The following PDXDC1 variants were observed in gnomAD, a reference collection of about 807,000 sequenced individuals.
The protein encoded by PDXDC1 is pyridoxal dependent decarboxylase domain containing 1.
Under a neutral mutation model 100.1 loss-of-function variants are expected in PDXDC1, and 42 were observed. The ratio of observed to expected loss-of-function variants is 0.42; its 90% CI spans 0.33 to 0.54. The LOEUF is 0.54. Ranked by LOEUF, PDXDC1 falls within the 20% of genes least tolerant of loss-of-function variation. The pLI is 0.10. For synonymous variants in PDXDC1, 260 were observed against 371.7 expected (o/e 0.70, Z 3.46); for missense variants, 636 against 979.2 (o/e 0.65, Z 4.68).
At position 15,035,971 on chromosome 16, in the gene PDXDC1, G is replaced by T. The variant is rs1037878286; in HGVS notation, c.2108-45G>T. The T allele has an allele frequency of 6.4e-6, 10 of 1,565,216 alleles. No homozygotes were observed. In the African/African-American group the frequency reaches 8.2e-5, roughly 13 times the overall value. ...TGCAGAGACAGCCTGTGTTGCAGAA[G>T]TATCCTCACTGAGTTTCAGCGCAGT... On this transcript the variant is annotated intron_variant, in intron 22 of 22. Coordinates refer to ENST00000396410, the MANE Select transcript of PDXDC1 (RefSeq NM_015027.4).
At chr16:14,980,830 C>G (rs184612286) in intron 1 of PDXDC1, among the ~76,000 whole-genome samples, 35 of 152,400 alleles carry the variant, frequency 2.3e-4, no homozygotes, top group African/African-American at 8.4e-4. Flanking sequence ...CAACTCCTGA[C>G]CTCAAGTAAT....
chr16:15,024,963 A>G (rs550267205), intron 13 of PDXDC1, among the ~76,000 whole-genome samples: 6 of 152,420 alleles, frequency 3.9e-5, no homozygotes, highest in Non-Finnish European at 5.9e-5. Context: ...TTAACACCCA[A>G]GACCCTAGCC....
chr16:15,070,443 T>C (rs1015742468), intron 16 of PDXDC1, among the ~76,000 whole-genome samples: 76 of 151,516 alleles, frequency 5.0e-4, no homozygotes, highest in Admixed American at 9.2e-4. Flanking sequence ...AAGACAACCT[T>C]CCAATTACAA....
At position 14,975,180 on chromosome 16, in the gene PDXDC1, CA is replaced by C. The variant is rs757924091; in HGVS notation, c.-19del. On this transcript the variant is annotated 5_prime_UTR_variant, in exon 1 of 23. Transcript: ENST00000396410. ...GAAGTAGAGCCCGGGACCGCCAGGCCACCACCGGCCGCCTCAGCCATGGACG... is the reference window on the plus strand; with the variant it reads ...GAAGTAGAGCCCGGGACCGCCAGGCCCCACCGGCCGCCTCAGCCATGGACG... 1.7e-5 allele frequency: 24 copies of C among 1,452,598 alleles called. No individual in the cohort carries two copies. Among genetic ancestry groups the C allele is most frequent in the Non-Finnish European group, 2.1e-5 (23 of 1,113,126 alleles). The allele number at this position is 1,452,598 out of a possible 1,614,324, so 90.0% of individuals were successfully genotyped here.
At chr16:15,053,161 G>A (rs1259687520) in intron 16 of PDXDC1, among the ~76,000 whole-genome samples, 1 of 152,214 alleles carries the variant, frequency 6.6e-6, no homozygotes, top group African/African-American at 2.4e-5. Context: ...CAGATGGCTC[G>A]TGGCTACTGT....
intron 16 of PDXDC1, among the ~76,000 whole-genome samples, chr16:15,063,827 C>G (rs948487925): frequency 3.3e-5 from 5 of 152,030 alleles, no homozygotes; most frequent in African/African-American, 9.7e-5. Flanking sequence ...TATTGAACTA[C>G]CGTTTTTCAT....
intron 16 of PDXDC1, among the ~76,000 whole-genome samples, chr16:15,072,748 G>T (rs567064316): frequency 7.2e-5 from 11 of 152,274 alleles, no homozygotes; most frequent in South Asian, 2.1e-4. Flanking sequence ...GCAGTGGGCA[G>T]CAGAGCGAGA....
chr16:14,975,748 C>T lies in PDXDC1; in HGVS notation c.21+528C>T, dbSNP rs556318617. 5.4e-6 allele frequency: 5 copies of T among 927,094 alleles called. No homozygotes were observed. The South Asian group carries it at 2.6e-4, about 49-fold the overall frequency. The allele number at this position is 927,094 out of a possible 1,614,324, so 57.4% of individuals were successfully genotyped here. A position where few individuals can be genotyped will look rare whatever the true frequency, so the allele number is the denominator to read the frequency against. ...TTGGTAAAATGCGGAGGTTCAGTCC[C>T]GGGGTCAGAACCTCTGGGGGCGGGA... On this transcript the variant is annotated intron_variant, in intron 1 of 22. Transcript: ENST00000396410.
chr16:14,991,257 G>C (rs1970720716), intron 1 of PDXDC1, among the ~76,000 whole-genome samples: 1 of 150,732 alleles, frequency 6.6e-6, no homozygotes, highest in Non-Finnish European at 1.5e-5. Context: ...TATTATATAT[G>C]TATATAGATA....
chr16:15,103,550 C>A (rs2046644839), intron 16 of PDXDC1, among the ~76,000 whole-genome samples: 1 of 151,602 alleles, frequency 6.6e-6, no homozygotes, highest in African/African-American at 2.4e-5. Context: ...GTCACCCAGG[C>A]TAGAGTGTGC....
At chr16:15,029,625 C>G (rs1290117818) in intron 15 of PDXDC1, 1 of 497,756 alleles carries the variant, frequency 2.0e-6, no homozygotes, top group African/African-American at 1.9e-5. Flanking sequence ...ACTACAACTC[C>G]CTGCCCGCCA....
chr16:15,075,123 GC>G (rs551882028), intron 16 of PDXDC1, among the ~76,000 whole-genome samples: 23 of 151,772 alleles, frequency 1.5e-4, no homozygotes, highest in Admixed American at 1.1e-3. Context: ...GGTGGTGCAC[GC>G]CTGTAATTCC....
At chr16:15,024,961 C>T (rs531864210) in intron 13 of PDXDC1, among the ~76,000 whole-genome samples, 17 of 152,414 alleles carry the variant, frequency 1.1e-4, no homozygotes, top group Non-Finnish European at 1.9e-4. Context: ...CATTAACACC[C>T]AAGACCCTAG....
intron 16 of PDXDC1, among the ~76,000 whole-genome samples, chr16:15,100,850 T>G (rs966712018): frequency 6.6e-6 from 1 of 152,084 alleles, no homozygotes; most frequent in Admixed American, 6.6e-5. Flanking sequence ...AGCCATAGTG[T>G]TGGTGTGCAC....
At chr16:14,990,851 C>T (rs1238050163) in intron 1 of PDXDC1, among the ~76,000 whole-genome samples, 1 of 152,290 alleles carries the variant, frequency 6.6e-6, no homozygotes, top group Non-Finnish European at 1.5e-5. Flanking sequence ...AGCGATTCTC[C>T]TGCCTCAGCC....
At chr16:15,094,512 A>G (rs1223379418) in intron 16 of PDXDC1, 1 of 530,264 alleles carries the variant, frequency 1.9e-6, no homozygotes, top group South Asian at 2.5e-5. Context: ...AAGGGTGGAA[A>G]CACCCTGGAT....
chr16:15,122,070 A>C (rs1234474684), intron 16 of PDXDC1, among the ~76,000 whole-genome samples: 1 of 151,478 alleles, frequency 6.6e-6, no homozygotes, highest in Admixed American at 6.6e-5. Context: ...AGGCTGAGGC[A>C]GGACAATTGC....
At chr16:15,066,743 T>C (rs2044993588) in intron 16 of PDXDC1, among the ~76,000 whole-genome samples, 1 of 150,678 alleles carries the variant, frequency 6.6e-6, no homozygotes, top group Non-Finnish European at 1.5e-5. Context: ...TAAAGCTTTG[T>C]GTCAATATGG....
At chr16:14,976,886 T>G (rs1279676019) in intron 1 of PDXDC1, 1 of 152,362 alleles carries the variant, frequency 6.6e-6, no homozygotes, top group Non-Finnish European at 1.5e-5. Flanking sequence ...CAAAGTGGTG[T>G]TATCAATTTC....
Sources: allele counts gnomAD v4.1 joint callset (sites outside exome capture counted in the v4.1 genomes callset), GRCh38; gene constraint gnomAD v4.1.1; transcripts MANE v1.5; gene names NCBI Gene and HGNC (gene_info 2026-07-23, HGNC 2026-07-21).